Variants in ANKRD44 observed in about 807,000 individuals in gnomAD.
The protein encoded by ANKRD44 is serine/threonine-protein phosphatase 6 regulatory ankyrin repeat subunit B.
Under a neutral mutation model 116.0 loss-of-function variants are expected in ANKRD44, and 35 were observed. The ratio of observed to expected loss-of-function variants is 0.30; its 90% confidence interval spans 0.23 to 0.40. The LOEUF (loss-of-function observed/expected upper bound fraction) is 0.40. ANKRD44 is among the 10% of genes least tolerant of loss of function. The pLI, the probability that ANKRD44 is intolerant of heterozygous loss-of-function variation, is 1.00. For missense variants in ANKRD44, 1,014 were observed against 1,242.6 expected (o/e 0.82, Z 2.77); for synonymous variants, 435 against 461.8 (o/e 0.94, Z 0.74).
chr2:197,062,758 G>A (rs2125060128), intron 16 of ANKRD44, among the ~76,000 whole-genome samples: 1 of 152,378 alleles, frequency 6.6e-6, no homozygotes, highest in East Asian at 1.9e-4. Flanking sequence ...CAAGGTGGCA[G>A]CAAGGCTGGG....
chr2:197,026,850 T>C (rs2076604655), intron 16 of ANKRD44, among the ~76,000 whole-genome samples: 1 of 151,918 alleles, frequency 6.6e-6, no homozygotes, highest in Admixed American at 6.6e-5. Flanking sequence ...GTGGATATTT[T>C]TGGAGGTAAA....
intron 21 of ANKRD44, among the ~76,000 whole-genome samples, chr2:196,968,405 T>C (rs567344004): frequency 1.6e-4 from 24 of 152,326 alleles, no homozygotes; most frequent in African/African-American, 5.8e-4. Context: ...TATTTATTTA[T>C]TTAACCACAA....
At chr2:197,067,189 T>C (rs1559035693) in intron 16 of ANKRD44, among the ~76,000 whole-genome samples, 1 of 152,030 alleles carries the variant, frequency 6.6e-6, no homozygotes. Context: ...GGGGAAAGGA[T>C]TCCCTATTTA....
chr2:197,153,867 A>T, intron 2 of ANKRD44, among the ~76,000 whole-genome samples: 1 of 151,934 alleles, frequency 6.6e-6, no homozygotes, highest in South Asian at 2.1e-4. Flanking sequence ...TGGGGAAGGG[A>T]GAGAGAGAGA....
chr2:197,227,629 A>G (rs867690402), intron 1 of ANKRD44, among the ~76,000 whole-genome samples: 1 of 152,044 alleles, frequency 6.6e-6, no homozygotes, highest in Non-Finnish European at 1.5e-5. Context: ...TTTGGGGGCA[A>G]GAAGAAAAAG....
intron 17 of ANKRD44, among the ~76,000 whole-genome samples, chr2:197,021,330 T>C (rs2125937336): frequency 6.6e-6 from 1 of 152,344 alleles, no homozygotes; most frequent in Middle Eastern, 3.4e-3. Context: ...ATGGGATGGC[T>C]GGGTCAAATG....
intron 1 of ANKRD44, among the ~76,000 whole-genome samples, chr2:197,283,668 TG>T (rs1316020805): frequency 1.3e-5 from 2 of 151,722 alleles, no homozygotes; most frequent in South Asian, 2.1e-4. Flanking sequence ...AGTGATGAGT[TG>T]TTTTTTTTTC....
At chr2:196,991,020 C>T (rs2075905746) in intron 27 of ANKRD44, 8 of 1,085,084 alleles carry the variant, frequency 7.4e-6, no homozygotes, top group Non-Finnish European at 8.2e-6. Context: ...ATCTCACAGG[C>T]GGAGATGTAT....
At chr2:197,100,429 C>T (rs772474814) in intron 9 of ANKRD44, among the ~76,000 whole-genome samples, 1 of 151,296 alleles carries the variant, frequency 6.6e-6, no homozygotes, top group Non-Finnish European at 1.5e-5. Flanking sequence ...AGCGAGACTC[C>T]GTCTCAAAAA....
chr2:197,308,463 A>AACAG, intron 1 of ANKRD44, among the ~76,000 whole-genome samples: 1 of 152,220 alleles, frequency 6.6e-6, no homozygotes, highest in East Asian at 1.9e-4. Context: ...AGCTACACAG[A>AACAG]AACCATCGTT....
chr2:196,988,067 A>G lies in ANKRD44; in HGVS notation c.*1524T>C, dbSNP rs1023819814. ...GTTCCTTTGTCCTCCTTCTATGAGT[A>G]AGAGAGTGGGAAAAGTCAAAACGCA... is the stretch of plus-strand genomic sequence containing the variant. On this transcript the variant is annotated 3_prime_UTR_variant, in exon 28 of 28. Transcript: ENST00000282272. 1 of 985,284 alleles carries G rather than the reference A, an allele frequency of 1.0e-6. No homozygotes were observed. Among genetic ancestry groups the G allele is most frequent in the Non-Finnish European group, 1.2e-6 (1 of 829,942 alleles). The allele number at this position is 985,284 out of a possible 1,614,324, so 61.0% of individuals were successfully genotyped here.
intron 1 of ANKRD44, among the ~76,000 whole-genome samples, chr2:197,286,993 A>G (rs1256704308): frequency 6.6e-6 from 1 of 152,118 alleles, no homozygotes; most frequent in Admixed American, 6.6e-5. Context: ...CAGTGAAACT[A>G]CTCCGTATGG....
intron 17 of ANKRD44, among the ~76,000 whole-genome samples, chr2:197,019,590 T>C (rs1415968092): frequency 6.6e-6 from 1 of 152,188 alleles, no homozygotes; most frequent in South Asian, 2.1e-4. Context: ...TGGACCAGGC[T>C]GACTCCCAGA....
chr2:197,145,539 T>A (rs1361462960), intron 3 of ANKRD44, among the ~76,000 whole-genome samples: 1 of 152,146 alleles, frequency 6.6e-6, no homozygotes, highest in Non-Finnish European at 1.5e-5. Context: ...ATCTTTAGAT[T>A]TGTTGGAAGA....
At chr2:197,128,969 A>G (rs1045262334) in intron 4 of ANKRD44, among the ~76,000 whole-genome samples, 5 of 152,134 alleles carry the variant, frequency 3.3e-5, no homozygotes, top group African/African-American at 1.2e-4. Context: ...AAAACTATAA[A>G]TGTAATTATT....
In ANKRD44 at chr2:196,999,161, A is replaced by C. The variant is rs995748357; in HGVS notation, c.2520-109T>G. ...TTGTCTTAAGGATTTAAAACTTCTCAGTTTATAGACATAGTGATCAGGTCC... is the reference window on the plus strand; with the variant it reads ...TTGTCTTAAGGATTTAAAACTTCTCCGTTTATAGACATAGTGATCAGGTCC... On this transcript the variant is annotated intron_variant, in intron 23 of 27. Transcript: ENST00000282272. The C allele has an allele frequency of 6.0e-6, 8 of 1,322,964 alleles. No homozygotes were observed. In the African/African-American group the frequency reaches 1.0e-4, roughly 17 times the overall value. The allele number at this position is 1,322,964 out of a possible 1,614,324, so 82.0% of individuals were successfully genotyped here.
chr2:197,177,594 T>TTG (rs1360462458), intron 2 of ANKRD44, among the ~76,000 whole-genome samples: 83 of 151,644 alleles, frequency 5.5e-4, no homozygotes, highest in African/African-American at 1.4e-3. Flanking sequence ...GTGTGTGTGT[T>TTG]TGTGTGTGTG....
intron 2 of ANKRD44, among the ~76,000 whole-genome samples, chr2:197,158,984 AAC>A (rs5837527): frequency 8.9e-4 from 132 of 148,434 alleles, no homozygotes; most frequent in East Asian, 2.6e-3. Context: ...AGAGCAAACA[AAC>A]ACACACACAC....
intron 1 of ANKRD44, among the ~76,000 whole-genome samples, chr2:197,271,926 G>A (rs77704283): frequency 0.04 from 6,109 of 152,136 alleles, 207 homozygotes; most frequent in Admixed American, 0.11. Context: ...TGTCTTAGAG[G>A]GCTGCTATTG....
Sources: gnomAD v4.1 joint callset for allele counts (sites outside exome capture counted in the v4.1 genomes callset) on GRCh38, gnomAD v4.1.1 for gene constraint, MANE v1.5 for transcripts, NCBI Gene and HGNC (gene_info 2026-07-23, HGNC 2026-07-21) for gene names.